The following DIS3L variants were observed in gnomAD, a reference collection of about 807,000 sequenced individuals.
DIS3L encodes the protein DIS3-like exonuclease 1.
Under a neutral mutation model 120.3 loss-of-function variants are expected in DIS3L, and 100 were observed. The observed-to-expected ratio is 0.83, with a 90% CI of 0.71 to 0.98. The LOEUF (loss-of-function observed/expected upper bound fraction) is 0.98, where lower values mean the gene tolerates loss of function less well. Ranked by LOEUF, DIS3L falls within the 50% of genes least tolerant of loss-of-function variation. DIS3L has a pLI of 0.00. For synonymous variants in DIS3L, 426 were observed against 470.6 expected, an observed-to-expected ratio of 0.91 and a Z score of 1.23; for missense variants, 1,196 against 1,314.2, an observed-to-expected ratio of 0.91 and a Z score of 1.39.
chr15:66,313,421 G>A (rs568976551), intron 5 of DIS3L, among the ~76,000 whole-genome samples: 2 of 152,216 alleles, frequency 1.3e-5, no homozygotes, highest in South Asian at 4.2e-4. Context: ...TTTCTCCAAA[G>A]AAAATAAACC....
rs1168185691 is a variant in DIS3L, at chr15:66,322,727, A to G, written c.1367A>G (p.Lys456Arg). Residue 456 changes from lysine to arginine, a missense_variant, in exon 10 of 17, where the codon AAG (lysine) becomes AGG (arginine). Lys to Arg is a conservative substitution (Grantham distance 26). Transcript: ENST00000319212. ...MPVNTPESPW[K>R]VSPEEEQKRK... is the part of the protein sequence containing the mutation. ...GTAAACACACCAGAAAGTCCCTGGA[A>G]GGTGAGTCCTGAAGAGGAACAAAAA... 1 of 1,614,098 alleles carries G rather than the reference A, an allele frequency of 6.2e-7. No individual in the cohort carries two copies. The highest frequency in any genetic ancestry group is 1.3e-5 in the African/African-American group (1 of 74,928).
intron 14 of DIS3L, among the ~76,000 whole-genome samples, chr15:66,330,981 C>T (rs2092992456): frequency 1.3e-5 from 2 of 151,990 alleles, no homozygotes; most frequent in African/African-American, 4.8e-5. Context: ...ATGGTGAAAC[C>T]CCGTTACTAC....
chr15:66,318,491 T>C lies in DIS3L; in HGVS notation c.1037T>C (p.Val346Ala), dbSNP rs1211402340. 6.2e-7 allele frequency: 1 copy of C among 1,614,030 alleles called. No homozygotes were observed. The highest frequency in any genetic ancestry group is 1.1e-5 in the South Asian group (1 of 91,074). ...CTTCAGAAGAACTGGCGGGATTATG[T>C]GGTGACATTTCCGTCCAAAGAAGAG... ...GILQKNWRDYVVTFPSKEEVQ... is the reference protein window; with the variant it reads ...GILQKNWRDYAVTFPSKEEVQ... The change falls in exon 8 of 17, where the codon GTG (valine) becomes GCG (alanine). Residue 346 changes from valine to alanine, a missense_variant. Physicochemically the swap from Val to Ala is moderately conservative, Grantham distance 64 (BLOSUM62 0). Transcript: ENST00000319212.
chr15:66,297,525 AGCATAT>A (rs1305034141), intron 2 of DIS3L, among the ~76,000 whole-genome samples: 3 of 152,244 alleles, frequency 2.0e-5, no homozygotes, highest in African/African-American at 7.2e-5. Flanking sequence ...CAAGCTAATT[AGCATAT>A]GCATTACTTT....
At chr15:66,329,588 T>TATC in intron 14 of DIS3L, 189 bp downstream of exon 14, 10 of 1,307,634 alleles carry the variant, frequency 7.6e-6, no homozygotes, top group Non-Finnish European at 9.7e-6. Context: ...GACGGTAGAT[T>TATC]ATCAGATTTT....
rs1393664957 is a variant in DIS3L, at chr15:66,296,668, TGCACGCCA to T, written c.293+1528_293+1535del. Among the ~76,000 whole-genome samples, 7 of 151,970 alleles carry T rather than the reference TGCACGCCA, an allele frequency of 4.6e-5. No homozygotes were observed. In the East Asian group the frequency reaches 1.4e-3, roughly 29 times the overall value. The stretch of plus-strand genomic sequence containing the variant: ...CCTCCTGAGTAGCTGGGATTACAGG[TGCACGCCA>T]CCACGCCCGGCTAATTTTTGTATTT... On this transcript the variant is annotated intron_variant, in intron 2 of 16. Transcript: ENST00000319212.
At position 66,293,680 on chromosome 15, in the gene DIS3L, G is replaced by A. The variant is rs750167151; in HGVS notation, c.84G>A (p.Arg28=). Reference sequence around the variant, plus strand: ...GGATCGTGCGCGAGCACTACCTGCGGCCCTGCGTGCCCTGCCACAGCCCGC... The same window carrying A: ...GGATCGTGCGCGAGCACTACCTGCGACCCTGCGTGCCCTGCCACAGCCCGC... ...TLRIVREHYL[R]PCVPCHSPLC... The change falls in exon 1 of 17, where the codon CGG becomes CGA. Residue 28 remains arginine (R), a synonymous_variant. Coordinates refer to ENST00000319212, the MANE Select transcript of DIS3L (RefSeq NM_001143688.3). 2 of 1,402,226 alleles carry A rather than the reference G, an allele frequency of 1.4e-6. No individual in the cohort carries two copies. Among genetic ancestry groups the A allele is most frequent in the South Asian group, 1.4e-5 (1 of 69,774 alleles). The allele number at this position is 1,402,226 out of a possible 1,614,324, so 86.9% of individuals were successfully genotyped here. A position where few individuals can be genotyped will look rare whatever the true frequency, so the allele number is the denominator to read the frequency against.
intron 5 of DIS3L, 148 bp from the exon 6 acceptor site, chr15:66,313,887 GTATA>G (rs147699160): frequency 3.1e-4 from 133 of 427,796 alleles, no homozygotes; most frequent in Middle Eastern, 1.4e-3. Context: ...ATATGTGTGT[GTATA>G]TATATATATA....
chr15:66,310,516 A>T (rs1381979282), intron 4 of DIS3L, among the ~76,000 whole-genome samples: 1 of 152,220 alleles, frequency 6.6e-6, no homozygotes, highest in African/African-American at 2.4e-5. Context: ...ATGAAAGGGA[A>T]GCCTAGAATT....
Position 66,322,810 on chromosome 15 carries a change from G to C in DIS3L, c.1450G>C (p.Asp484His). ...VFSIDPKGCEDVDDTLSVRTL... is the reference protein window; with the variant it reads ...VFSIDPKGCEHVDDTLSVRTL... ...CAGCATTGACCCCAAAGGTTGTGAA[G>C]ATGTGGATGACACACTCTCAGTCAG... Residue 484 changes from aspartate (D) to histidine (H), a missense_variant, in exon 10 of 17, where the codon GAT (aspartate) becomes CAT (histidine). Coordinates refer to ENST00000319212, the MANE Select transcript of DIS3L (RefSeq NM_001143688.3). The C allele has an allele frequency of 6.2e-7, 1 of 1,614,188 alleles. No homozygotes were observed. The highest frequency in any genetic ancestry group is 8.5e-7 in the Non-Finnish European group (1 of 1,180,026).
At position 66,296,475 on chromosome 15, in the gene DIS3L, G is replaced by T. The variant is rs140929384; in HGVS notation, c.293+1334G>T. ...TGTTCGTTGGGTAAGCACTTTTTAA[G>T]CTCTTAGTTCCAGGCCTTGGGGAAT... On this transcript the variant is annotated intron_variant, in intron 2 of 16. Coordinates refer to ENST00000319212, the MANE Select transcript of DIS3L (RefSeq NM_001143688.3). 1.5e-3 allele frequency among the ~76,000 whole-genome samples: 230 copies of T among 151,112 alleles called. 2 individuals are homozygous for T. The highest frequency in any genetic ancestry group is 5.5e-3 in the African/African-American group (225 of 41,146).
At chr15:66,302,892 A>G (rs992442542) in intron 2 of DIS3L, among the ~76,000 whole-genome samples, 1 of 152,226 alleles carries the variant, frequency 6.6e-6, no homozygotes, top group African/African-American at 2.4e-5. Context: ...TTAAATACAT[A>G]TGCCTTGTTG....
rs2092968977 is a variant in DIS3L, at chr15:66,329,049, A to G, written c.2281A>G (p.Met761Val). The G allele has an allele frequency of 6.2e-7, 1 of 1,614,226 alleles. No individual in the cohort carries two copies. Among genetic ancestry groups the G allele is most frequent in the Non-Finnish European group, 8.5e-7 (1 of 1,180,042 alleles). Residue 761 changes from methionine (M) to valine (V), a missense_variant, in exon 13 of 17, where the codon ATG (methionine) becomes GTG (valine). By Grantham distance (21) the Met-to-Val change is conservative. Coordinates refer to ENST00000319212, the MANE Select transcript of DIS3L (RefSeq NM_001143688.3). The stretch of plus-strand genomic sequence containing the variant: ...CATTGTGAACAGGCTACTGCGCTCC[A>G]TGGCCACGCAGGCCATGTCGAATGC... ...DPIVNRLLRS[M>V]ATQAMSNALY...
intron 2 of DIS3L, among the ~76,000 whole-genome samples, chr15:66,304,006 C>T (rs1410554142): frequency 1.0e-4 from 14 of 137,198 alleles, no homozygotes; most frequent in African/African-American, 3.0e-4. Context: ...AGGAGAATGG[C>T]GTGAACCCGG....
At chr15:66,297,652 T>C (rs911427169) in intron 2 of DIS3L, among the ~76,000 whole-genome samples, 10 of 152,252 alleles carry the variant, frequency 6.6e-5, no homozygotes, top group Non-Finnish European at 2.9e-5. Flanking sequence ...CATTTTGTTT[T>C]GTTTTTCATT....
chr15:66,308,058 G>A (rs902127213), intron 3 of DIS3L, among the ~76,000 whole-genome samples: 9 of 152,268 alleles, frequency 5.9e-5, no homozygotes, highest in Non-Finnish European at 1.0e-4. Flanking sequence ...TGTAGTCCCA[G>A]CTACTCAGGA....
intron 2 of DIS3L, among the ~76,000 whole-genome samples, chr15:66,300,046 A>G (rs1283137392): frequency 6.6e-6 from 1 of 152,152 alleles, no homozygotes; most frequent in Non-Finnish European, 1.5e-5. Context: ...GCAAGACTCC[A>G]TCTCCAAAAA....
At chr15:66,299,396 A>T (rs1255406968) in intron 2 of DIS3L, among the ~76,000 whole-genome samples, 10 of 152,066 alleles carry the variant, frequency 6.6e-5, no homozygotes, top group Admixed American at 6.6e-4. Context: ...TCCAAAAATT[A>T]TCTGGGCGTG....
intron 4 of DIS3L, among the ~76,000 whole-genome samples, chr15:66,311,270 G>T (rs923235311): frequency 6.6e-5 from 10 of 151,866 alleles, no homozygotes; most frequent in African/African-American, 2.4e-4. Context: ...GGCTGAGGTG[G>T]GAGGATTGCT....
Sources: allele counts gnomAD v4.1 joint callset (sites outside exome capture counted in the v4.1 genomes callset), GRCh38; gene constraint gnomAD v4.1.1; transcripts MANE v1.5; gene names NCBI Gene and HGNC (gene_info 2026-07-23, HGNC 2026-07-21).